The following PRKCE variants were observed in gnomAD, a reference collection of about 807,000 sequenced individuals.
PRKCE encodes protein kinase C epsilon, also known as protein kinase C epsilon type.
A neutral mutation model predicts 85.4 loss-of-function variants in PRKCE; 16 were observed. That is an observed-to-expected ratio of 0.19 (90% confidence interval 0.13 to 0.28). The LOEUF (loss-of-function observed/expected upper bound fraction) is 0.28. Ranked by LOEUF, PRKCE falls within the 10% of genes least tolerant of loss-of-function variation. The probability of loss-of-function intolerance (pLI) is 1.00; values close to 1 mark genes in which losing one functional copy is unlikely to be tolerated. For missense variants in PRKCE, 573 were observed against 975.2 expected (o/e 0.59, Z 5.49); for synonymous variants, 388 against 371.5 (o/e 1.04, Z -0.51).
intron 2 of PRKCE, among the ~76,000 whole-genome samples, chr2:45,931,920 G>A (rs1573925216): frequency 6.6e-6 from 1 of 152,012 alleles, no homozygotes. Flanking sequence ...AGACTGGCCA[G>A]GCCAGTCTCA....
chr2:46,031,591 CGTGTGTGTGTGT>C (rs58684318), intron 10 of PRKCE, among the ~76,000 whole-genome samples: 15,524 of 144,090 alleles, frequency 0.11, 1,208 homozygotes, highest in African/African-American at 0.23. Flanking sequence ...ACATTCTGCT[CGTGTGTGTGTGT>C]GTGTGTGTGT....
chr2:45,805,567 T>C (rs1199605528), intron 1 of PRKCE, among the ~76,000 whole-genome samples: 1 of 151,942 alleles, frequency 6.6e-6, no homozygotes, highest in Non-Finnish European at 1.5e-5. Flanking sequence ...TTGAAGCTTA[T>C]GCTAAGTATT....
At chr2:45,939,142 C>A (rs1558860821) in intron 2 of PRKCE, among the ~76,000 whole-genome samples, 1 of 152,204 alleles carries the variant, frequency 6.6e-6, no homozygotes. Flanking sequence ...AAACATTATA[C>A]ATTATGCCCT....
intron 10 of PRKCE, among the ~76,000 whole-genome samples, chr2:46,027,988 C>A (rs1396549536): frequency 6.6e-6 from 1 of 151,496 alleles, no homozygotes; most frequent in African/African-American, 2.4e-5. Flanking sequence ...GTGGCCCAGA[C>A]TGGAGTGCAG....
chr2:45,791,297 G>A (rs191191521), intron 1 of PRKCE, among the ~76,000 whole-genome samples: 8 of 152,278 alleles, frequency 5.3e-5, no homozygotes, highest in Middle Eastern at 3.4e-3. Context: ...ATAACAGAAC[G>A]CGAGAGATGG....
intron 1 of PRKCE, among the ~76,000 whole-genome samples, chr2:45,759,395 C>T (rs917825813): frequency 2.0e-5 from 3 of 152,144 alleles, no homozygotes; most frequent in South Asian, 2.1e-4. Flanking sequence ...CAGATGGCTC[C>T]GATTTATCCA....
chr2:45,830,653 T>G (rs760818775), intron 1 of PRKCE, among the ~76,000 whole-genome samples: 3 of 149,420 alleles, frequency 2.0e-5, no homozygotes, highest in Non-Finnish European at 4.4e-5. Flanking sequence ...AAAGACACCC[T>G]GAGACATATC....
intron 1 of PRKCE, among the ~76,000 whole-genome samples, chr2:45,707,071 G>A (rs1216073356): frequency 1.3e-5 from 2 of 152,168 alleles, no homozygotes; most frequent in Non-Finnish European, 2.9e-5. Flanking sequence ...GTGATTTTAT[G>A]ACTGTTATAT....
chr2:45,729,460 A>G (rs1224319543), intron 1 of PRKCE, among the ~76,000 whole-genome samples: 5 of 152,138 alleles, frequency 3.3e-5, no homozygotes, highest in African/African-American at 4.8e-5. Flanking sequence ...CCCTCCCTGG[A>G]GCCTCCATCA....
At chr2:45,962,193 G>A (rs1367157624) in intron 2 of PRKCE, among the ~76,000 whole-genome samples, 1 of 152,204 alleles carries the variant, frequency 6.6e-6, no homozygotes, top group African/African-American at 2.4e-5. Flanking sequence ...GGTCAGCAAG[G>A]TGTAGGATGG....
At chr2:45,705,435 G>A (rs1234831812) in intron 1 of PRKCE, among the ~76,000 whole-genome samples, 1 of 152,194 alleles carries the variant, frequency 6.6e-6, no homozygotes, top group African/African-American at 2.4e-5. Context: ...TGCCAGTTGG[G>A]GGTATATGTA....
At chr2:45,920,109 C>G (rs769151507) in intron 2 of PRKCE, among the ~76,000 whole-genome samples, 3 of 152,180 alleles carry the variant, frequency 2.0e-5, no homozygotes, top group Non-Finnish European at 2.9e-5. Context: ...AACTAGTAGC[C>G]CCACTGATAG....
intron 2 of PRKCE, among the ~76,000 whole-genome samples, chr2:45,884,016 CA>C (rs1341526288): frequency 1.3e-5 from 2 of 152,194 alleles, no homozygotes; most frequent in Non-Finnish European, 2.9e-5. Context: ...GGGTTTTTGG[CA>C]ACTGCCTTGA....
At chr2:45,738,061 G>A (rs1301702900) in intron 1 of PRKCE, among the ~76,000 whole-genome samples, 3 of 152,006 alleles carry the variant, frequency 2.0e-5, no homozygotes, top group Non-Finnish European at 4.4e-5. Context: ...CCTGCTGCAG[G>A]CGACGCAAAC....
chr2:45,780,108 T>A (rs1686066069), intron 1 of PRKCE, among the ~76,000 whole-genome samples: 1 of 152,226 alleles, frequency 6.6e-6, no homozygotes, highest in Admixed American at 6.5e-5. Context: ...CATTATCACA[T>A]TAAAGAAACC....
intron 2 of PRKCE, among the ~76,000 whole-genome samples, chr2:45,938,423 G>A (rs1699632458): frequency 6.6e-6 from 1 of 152,066 alleles, no homozygotes; most frequent in Admixed American, 6.5e-5. Flanking sequence ...CAAAATCTAG[G>A]ACTATCCTTA....
chr2:45,824,675 G>C (rs1689803367), intron 1 of PRKCE, among the ~76,000 whole-genome samples: 2 of 151,622 alleles, frequency 1.3e-5, no homozygotes, highest in African/African-American at 4.8e-5. Context: ...CAAAAATAGA[G>C]CAGAATAATG....
At chr2:45,892,568 GCT>G (rs1226501081) in intron 2 of PRKCE, among the ~76,000 whole-genome samples, 2 of 152,112 alleles carry the variant, frequency 1.3e-5, no homozygotes, top group African/African-American at 2.4e-5. Context: ...TTAAGTTTGT[GCT>G]CTGTTTGTGT....
intron 2 of PRKCE, among the ~76,000 whole-genome samples, chr2:45,940,104 G>A (rs539045331): frequency 6.6e-6 from 1 of 152,154 alleles, no homozygotes; most frequent in Non-Finnish European, 1.5e-5. Flanking sequence ...CTCACTTACT[G>A]GTTCCTGAAA....
Sources: gnomAD v4.1 joint callset for allele counts (sites outside exome capture counted in the v4.1 genomes callset) on GRCh38, gnomAD v4.1.1 for gene constraint, MANE v1.5 for transcripts, NCBI Gene and HGNC (gene_info 2026-07-23, HGNC 2026-07-21) for gene names.